CEP20: variants seen among roughly 807,000 people sequenced by gnomAD.
The protein encoded by CEP20 is FGFR1OP N-terminal like.
CEP20 carries 18 observed loss-of-function variants against 20.0 expected under a neutral mutation model. The ratio of observed to expected loss-of-function variants is 0.90; its 90% CI spans 0.62 to 1.34. The LOEUF (loss-of-function observed/expected upper bound fraction) is 1.34. Ranked by LOEUF, CEP20 falls within the 40% of genes most tolerant of loss-of-function variation. CEP20 has a pLI of 0.00. For missense variants in CEP20, 215 were observed against 201.6 expected (o/e 1.07, Z -0.40); for synonymous variants, 77 against 73.7 (o/e 1.04, Z -0.23).
intron 1 of CEP20, among the ~76,000 whole-genome samples, chr16:15,886,675 T>C (rs554355453): frequency 6.4e-4 from 97 of 152,226 alleles, no homozygotes; most frequent in Middle Eastern, 3.4e-3. Context: ...CTCTCAGAGA[T>C]AGAACCAAGT....
intron 4 of CEP20, among the ~76,000 whole-genome samples, chr16:15,872,030 C>A (rs1036625241): frequency 6.6e-6 from 1 of 152,154 alleles, no homozygotes; most frequent in African/African-American, 2.4e-5. Flanking sequence ...TTGACCAGCT[C>A]TTGGTTGGGC....
In CEP20 at chr16:15,868,483, A is replaced by C. The variant is rs371946321; in HGVS notation, c.449-967T>G. Among the ~76,000 whole-genome samples the C allele has an allele frequency of 5.3e-5, 8 of 152,324 alleles. No homozygotes were observed. The East Asian group carries it at 1.3e-3, about 26-fold the overall frequency. On this transcript the variant is annotated intron_variant, in intron 4 of 4. Coordinates refer to ENST00000255759, the MANE Select transcript of CEP20 (RefSeq NM_144600.4). The stretch of plus-strand genomic sequence containing the variant: ...CCTAATGCAACAAAAATGTAATGCA[A>C]AAACTAGATTCTTGAGAATATATGA...
At chr16:15,875,440 G>A (rs1214747603) in intron 3 of CEP20, among the ~76,000 whole-genome samples, 2 of 151,914 alleles carry the variant, frequency 1.3e-5, no homozygotes, top group Admixed American at 6.6e-5. Context: ...CCTCAAACAG[G>A]AGTTTGAGAC....
chr16:15,867,495 TC>T lies in CEP20; in HGVS notation c.469del (p.Glu157AsnfsTer33). ...KPMDDHLRKE[E>X]QKSTNIEDLH... ...ATCTTCAATGTTAGTACTTTTCTGTTCCTCCTTTCTTAGGTGGTCATCTGAA... is the reference window on the plus strand; with the variant it reads ...ATCTTCAATGTTAGTACTTTTCTGTTCTCCTTTCTTAGGTGGTCATCTGAA... On this transcript the variant is annotated frameshift_variant, in exon 5 of 5. Coordinates refer to ENST00000255759, the MANE Select transcript of CEP20 (RefSeq NM_144600.4). LOFTEE classifies it low-confidence loss of function (END_TRUNC). 6.2e-7 allele frequency: 1 copy of T among 1,605,642 alleles called. No individual in the cohort carries two copies. The highest frequency in any genetic ancestry group is 8.5e-7 in the Non-Finnish European group (1 of 1,174,694).
At position 15,878,322 on chromosome 16, in the gene CEP20, G is replaced by A. The variant is rs146732156; in HGVS notation, c.311+1482C>T. Among the ~76,000 whole-genome samples, 21 of 152,210 alleles carry A rather than the reference G, an allele frequency of 1.4e-4. No individual in the cohort carries two copies. The East Asian group carries it at 2.7e-3, about 20-fold the overall frequency. On this transcript the variant is annotated intron_variant, in intron 3 of 4. Coordinates refer to ENST00000255759, the MANE Select transcript of CEP20 (RefSeq NM_144600.4). The stretch of plus-strand genomic sequence containing the variant: ...GGTGTGAGCAGATAGAACAACAGAC[G>A]GGTAGAAAGAGGTGTAAAGTGCTAC...
intron 1 of CEP20, among the ~76,000 whole-genome samples, chr16:15,886,390 T>C (rs1557521): frequency 0.18 from 26,839 of 151,958 alleles, 2,256 homozygotes; most frequent in East Asian, 0.22. Context: ...TTGTAACAGG[T>C]CCATAAAAGG....
At chr16:15,888,073 CT>C (rs2045288148) in intron 1 of CEP20, among the ~76,000 whole-genome samples, 4 of 130,090 alleles carry the variant, frequency 3.1e-5, no homozygotes, top group Admixed American at 3.1e-4. Context: ...GAGACCCTCT[CT>C]TTAAAAAAAA....
intron 4 of CEP20, among the ~76,000 whole-genome samples, chr16:15,870,253 T>TA (rs766653504): frequency 1.3e-5 from 2 of 152,212 alleles, no homozygotes; most frequent in Admixed American, 6.5e-5. Flanking sequence ...CTCAAGCGGT[T>TA]ATTTTTCTTT....
chr16:15,873,116 T>A (rs1452638240), intron 4 of CEP20, among the ~76,000 whole-genome samples: 2 of 149,998 alleles, frequency 1.3e-5, no homozygotes, highest in Non-Finnish European at 3.0e-5. Flanking sequence ...AATTTTTTAA[T>A]TAAAAAAATA....
chr16:15,872,211 G>A (rs1450330652), intron 4 of CEP20, among the ~76,000 whole-genome samples: 2 of 152,104 alleles, frequency 1.3e-5, no homozygotes, highest in South Asian at 4.1e-4. Context: ...CTACTTGGGA[G>A]GCTGAGGCAG....
intron 4 of CEP20, among the ~76,000 whole-genome samples, chr16:15,872,275 C>G (rs1480570394): frequency 2.6e-5 from 4 of 151,468 alleles, no homozygotes; most frequent in Non-Finnish European, 4.4e-5. Context: ...GATCACACCA[C>G]TACACTCTAG....
In CEP20 at chr16:15,881,551, G is replaced by A. The variant is rs575789161; in HGVS notation, c.227-1663C>T. On this transcript the variant is annotated intron_variant, in intron 2 of 4. Coordinates refer to ENST00000255759, the MANE Select transcript of CEP20 (RefSeq NM_144600.4). Reference sequence around the variant, plus strand: ...CTTGCAAAATCTACTTCCTGGCCTCGCTTCTTTGCTGAGGCATGAAGTAGT... The same window carrying A: ...CTTGCAAAATCTACTTCCTGGCCTCACTTCTTTGCTGAGGCATGAAGTAGT... Among the ~76,000 whole-genome samples, 40 of 152,136 alleles carry A rather than the reference G, an allele frequency of 2.6e-4. 1 individual carries two copies. The highest frequency in any genetic ancestry group is 7.7e-4 in the African/African-American group (32 of 41,500).
intron 2 of CEP20, 71 bp from the exon 3 acceptor site, chr16:15,879,959 C>T: frequency 4.8e-6 from 5 of 1,035,160 alleles, no homozygotes; most frequent in Non-Finnish European, 7.1e-6. Context: ...TGAAAAGAAT[C>T]ACATTTACCA....
chr16:15,876,445 A>T (rs924077546), intron 3 of CEP20, among the ~76,000 whole-genome samples: 1 of 151,772 alleles, frequency 6.6e-6, no homozygotes, highest in African/African-American at 2.4e-5. Flanking sequence ...ACTGCACTCC[A>T]GCCTGGACGA....
chr16:15,869,428 G>A (rs1457881950), intron 4 of CEP20, among the ~76,000 whole-genome samples: 3 of 150,750 alleles, frequency 2.0e-5, no homozygotes, highest in Admixed American at 6.6e-5. Context: ...TTCCTGCCTC[G>A]GCCTCCCGAG....
intron 1 of CEP20, among the ~76,000 whole-genome samples, chr16:15,887,806 T>C (rs62031727): frequency 0.19 from 28,134 of 151,942 alleles, 2,685 homozygotes; most frequent in Middle Eastern, 0.23. Flanking sequence ...TAGTTTCTTC[T>C]GATGAAAAAG....
At chr16:15,871,598 G>A (rs967917494) in intron 4 of CEP20, among the ~76,000 whole-genome samples, 1 of 152,204 alleles carries the variant, frequency 6.6e-6, no homozygotes, top group African/African-American at 2.4e-5. Context: ...TACGGGAACA[G>A]CAATCAAATG....
chr16:15,883,386 GTCTC>G lies in CEP20; in HGVS notation c.226+618_226+621del, dbSNP rs1345786847. On this transcript the variant is annotated intron_variant, in intron 2 of 4. Coordinates refer to ENST00000255759, the MANE Select transcript of CEP20 (RefSeq NM_144600.4). Reference sequence around the variant, plus strand: ...TCTGGAAAAAGAAAAAAGAGACAGGGTCTCTCTCTGTTGCCCAGACTGGAGTGCA... The same window carrying G: ...TCTGGAAAAAGAAAAAAGAGACAGGGTCTCTGTTGCCCAGACTGGAGTGCA... Among the ~76,000 whole-genome samples the G allele has an allele frequency of 2.6e-5, 4 of 152,090 alleles. No individual in the cohort carries two copies. In the East Asian group the frequency reaches 7.8e-4, roughly 30 times the overall value.
intron 4 of CEP20, among the ~76,000 whole-genome samples, chr16:15,873,074 T>A (rs1335847793): frequency 6.6e-6 from 1 of 150,868 alleles, no homozygotes; most frequent in Non-Finnish European, 1.5e-5. Context: ...GTTTTCAGTA[T>A]TTTTTTGTTT....
Sources: allele counts gnomAD v4.1 joint callset (sites outside exome capture counted in the v4.1 genomes callset), GRCh38; gene constraint gnomAD v4.1.1; transcripts MANE v1.5; gene names NCBI Gene and HGNC (gene_info 2026-07-23, HGNC 2026-07-21).